The following MED14 variants were observed in gnomAD, a reference collection of about 807,000 sequenced individuals.
MED14 encodes mediator complex subunit 14.
In MED14, 8 loss-of-function variants were observed where a neutral mutation model predicts 109.0. The observed-to-expected ratio is 0.07, with a 90% CI of 0.04 to 0.13. The LOEUF (loss-of-function observed/expected upper bound fraction) is 0.13. Ranked by LOEUF, MED14 falls within the 10% of genes least tolerant of loss-of-function variation. MED14 has a pLI of 1.00. For missense variants in MED14, 711 were observed against 1,142.4 expected (o/e 0.62, Z 5.44); for synonymous variants, 399 against 408.7 (o/e 0.98, Z 0.29).
At chrX:40,735,798 T>C (rs1014480468), upstream of MED14, 2 of 347,587 alleles carry the variant, frequency 5.8e-6, no homozygotes, top group Non-Finnish European at 1.1e-5. Flanking sequence ...CAGGTCTGTG[T>C]CTGTTCTCTC....
rs190476627 is a variant in MED14, at chrX:40,704,377, A to C, written c.1286-808T>G. ...AGTTCCTCTGAAGCTACAGCACAGA[A>C]AAAAAAGGCAGATACAGAGGAGAAT... is the stretch of plus-strand genomic sequence containing the variant. On this transcript the variant is annotated intron_variant, in intron 10 of 30. Coordinates refer to ENST00000324817, the MANE Select transcript of MED14 (RefSeq NM_004229.4). Among the ~76,000 whole-genome samples the C allele has an allele frequency of 3.8e-3, 427 of 112,313 alleles. 3 individuals are homozygous for C. Among genetic ancestry groups the C allele is most frequent in the Middle Eastern group, 9.2e-3 (2 of 218 alleles).
At position 40,648,585 on chromosome X, in the gene MED14, G is replaced by A. The variant is rs1928748116; in HGVS notation, c.*3221C>T. The A allele has an allele frequency of 8.9e-6, 1 of 112,440 alleles. No homozygotes were observed. Among genetic ancestry groups the A allele is most frequent in the African/African-American group, 3.2e-5 (1 of 30,859 alleles). The allele number at this position is 112,440 out of a possible 1,213,427, so 9.3% of individuals were successfully genotyped here. On this transcript the variant is annotated 3_prime_UTR_variant, in exon 31 of 31. Transcript: ENST00000324817. ...GGATATCAATAACCTACCACATTGG[G>A]TTGTTGTGAGGATTAAATACACATT...
At chrX:40,668,334 G>C (rs1384099281) in intron 23 of MED14, among the ~76,000 whole-genome samples, 1 of 87,994 alleles carries the variant, frequency 1.1e-5, no homozygotes, top group Non-Finnish European at 2.1e-5. Context: ...AGCAAGCTGA[G>C]ATCACGCCAT....
chrX:40,720,169 C>T (rs770729632), intron 3 of MED14, among the ~76,000 whole-genome samples: 2 of 112,258 alleles, frequency 1.8e-5, no homozygotes, highest in East Asian at 2.8e-4. Context: ...TCCAGGAACA[C>T]GAAATTTTTA....
intron 16 of MED14, among the ~76,000 whole-genome samples, chrX:40,685,765 T>C (rs780652107): frequency 7.1e-5 from 8 of 112,426 alleles, no homozygotes; most frequent in East Asian, 2.8e-4. Flanking sequence ...CTATGATCCA[T>C]TTGATACTAT....
At chrX:40,710,342 T>A (rs1931294339) in intron 8 of MED14, among the ~76,000 whole-genome samples, 1 of 111,709 alleles carries the variant, frequency 9.0e-6, no homozygotes, top group Non-Finnish European at 1.9e-5. Context: ...AATTTAAAAA[T>A]AAAACATATG....
intron 24 of MED14, among the ~76,000 whole-genome samples, chrX:40,665,160 T>C (rs1204646570): frequency 8.9e-6 from 1 of 112,081 alleles, no homozygotes; most frequent in African/African-American, 3.2e-5. Flanking sequence ...TACTTAGGTC[T>C]TACAAATGGG....
chrX:40,672,289 C>A (rs1424723389), intron 22 of MED14, among the ~76,000 whole-genome samples: 1 of 112,264 alleles, frequency 8.9e-6, no homozygotes, highest in Non-Finnish European at 1.9e-5. Flanking sequence ...TCTACCATTT[C>A]ATTGATTCTA....
Position 40,710,015 on chromosome X carries a change from T to C in MED14, c.1137A>G (p.Pro379=). 1 of 1,182,337 alleles carries C rather than the reference T, an allele frequency of 8.5e-7. No individual in the cohort carries two copies. The highest frequency in any genetic ancestry group is 1.1e-6 in the Non-Finnish European group (1 of 878,982). Residue 379 remains proline (P), a synonymous_variant, in exon 9 of 31, where the codon CCA becomes CCG. Transcript: ENST00000324817. ...PLQIFHDPPL[P]ASDSKLVERA... ...TTTCTACTAATTTGGAATCAGAAGC[T>C]GGCAAAGGAGGATCGTGAAAAATCT...
chrX:40,703,107 CTTA>C (rs1318890665), intron 11 of MED14, among the ~76,000 whole-genome samples: 1 of 112,157 alleles, frequency 8.9e-6, no homozygotes, highest in Non-Finnish European at 1.9e-5. Context: ...ATTAGAATTC[CTTA>C]TTGTGATTTC....
At chrX:40,700,955 T>A (rs1355350757) in intron 12 of MED14, among the ~76,000 whole-genome samples, 1 of 111,671 alleles carries the variant, frequency 9.0e-6, no homozygotes, top group African/African-American at 3.3e-5. Flanking sequence ...CCTTCACACC[T>A]ATATTTGCTC....
chrX:40,720,640 C>T (rs1025861804), intron 3 of MED14, among the ~76,000 whole-genome samples: 11 of 111,233 alleles, frequency 9.9e-5, no homozygotes, highest in African/African-American at 3.6e-4. Flanking sequence ...CTAGGTGGCA[C>T]ATGACCTAGG....
chrX:40,650,421 T>C lies in MED14; in HGVS notation c.*1385A>G, dbSNP rs1272198594. 3 of 752,473 alleles carry C rather than the reference T, an allele frequency of 4.0e-6. No individual in the cohort carries two copies. Among genetic ancestry groups the C allele is most frequent in the Non-Finnish European group, 4.7e-6 (3 of 638,631 alleles). 62.0% of individuals were successfully genotyped at this position (752,473 alleles called of 1,213,427 possible). A position where few individuals can be genotyped will look rare whatever the true frequency, so the allele number is the denominator to read the frequency against. On this transcript the variant is annotated 3_prime_UTR_variant, in exon 31 of 31. Coordinates refer to ENST00000324817, the MANE Select transcript of MED14 (RefSeq NM_004229.4). Reference sequence around the variant, plus strand: ...GTTATAGAAGCTCAATTAAATCATCTTGAAGTGGAATTAGACAAAGCATCT... The same window carrying C: ...GTTATAGAAGCTCAATTAAATCATCCTGAAGTGGAATTAGACAAAGCATCT...
At chrX:40,728,783 T>C (rs1204588339) in intron 2 of MED14, among the ~76,000 whole-genome samples, 1 of 111,393 alleles carries the variant, frequency 9.0e-6, no homozygotes, top group Non-Finnish European at 1.9e-5. Flanking sequence ...AGATACTTAA[T>C]AGCATCATTG....
At chrX:40,734,678 C>G (rs1005197164) in intron 1 of MED14, among the ~76,000 whole-genome samples, 1 of 112,329 alleles carries the variant, frequency 8.9e-6, no homozygotes, top group Non-Finnish European at 1.9e-5. Context: ...TAACAGACTA[C>G]TTACAAAAAA....
intron 23 of MED14, 43 bp from the exon 24 acceptor site, chrX:40,666,894 T>G (rs1430426921): frequency 9.2e-7 from 1 of 1,092,596 alleles, no homozygotes; most frequent in African/African-American, 1.9e-5. Context: ...CAGGACACAT[T>G]TTATGTCCTG....
intron 13 of MED14, among the ~76,000 whole-genome samples, chrX:40,694,123 T>C (rs1273737396): frequency 9.0e-6 from 1 of 111,674 alleles, no homozygotes; most frequent in Non-Finnish European, 1.9e-5. Context: ...GGTCTTGAAC[T>C]GCTGACCTCG....
chrX:40,734,589 G>A (rs1217094510), intron 1 of MED14, among the ~76,000 whole-genome samples: 1 of 111,941 alleles, frequency 8.9e-6, no homozygotes, highest in Non-Finnish European at 1.9e-5. Flanking sequence ...TATTCTGAAG[G>A]GATTAACAAC....
At chrX:40,712,817 G>T in intron 6 of MED14, 97 bp downstream of exon 6, 1 of 887,808 alleles carries the variant, frequency 1.1e-6, no homozygotes. Flanking sequence ...GGGATTACAA[G>T]CATGAGCCAT....
Sources: allele counts gnomAD v4.1 joint callset (sites outside exome capture counted in the v4.1 genomes callset), GRCh38; gene constraint gnomAD v4.1.1; transcripts MANE v1.5; gene names NCBI Gene and HGNC (gene_info 2026-07-23, HGNC 2026-07-21).